The following SIL1 variants were observed in gnomAD, a reference collection of about 807,000 sequenced individuals.
SIL1 encodes the protein SIL1 nucleotide exchange factor.
In SIL1, 40 loss-of-function variants were observed where a neutral mutation model predicts 49.1. The observed-to-expected ratio is 0.81, with a 90% CI of 0.63 to 1.06. The LOEUF is 1.06. Ranked by LOEUF, SIL1 falls within the 50% of genes least tolerant of loss-of-function variation. The pLI is 0.00. For missense variants in SIL1, 500 were observed against 572.6 expected, an observed-to-expected ratio of 0.87 and a Z score of 1.29; for synonymous variants, 253 against 250.8, an observed-to-expected ratio of 1.01 and a Z score of -0.08.
chr5:139,045,170 A>C (rs1769126219), intron 4 of SIL1, among the ~76,000 whole-genome samples: 1 of 152,042 alleles, frequency 6.6e-6, no homozygotes, highest in East Asian at 1.9e-4. Context: ...CAGTAAGGGC[A>C]ACATAGTAAG....
chr5:139,059,680 T>G (rs1238305931), intron 3 of SIL1, among the ~76,000 whole-genome samples: 1 of 152,214 alleles, frequency 6.6e-6, no homozygotes, highest in Non-Finnish European at 1.5e-5. Flanking sequence ...TCTATATACA[T>G]GCACACACCT....
intron 7 of SIL1, among the ~76,000 whole-genome samples, chr5:138,975,957 TTATACAACAACACA>T (rs1767384953): frequency 6.6e-6 from 1 of 152,240 alleles, no homozygotes; most frequent in Non-Finnish European, 1.5e-5. Context: ...GAATAATTTG[TTATACAACAACACA>T]TAGCTAATAA....
chr5:139,192,752 C>T (rs946176498), intron 1 of SIL1, among the ~76,000 whole-genome samples: 1 of 151,878 alleles, frequency 6.6e-6, no homozygotes, highest in African/African-American at 2.4e-5. Flanking sequence ...AATCCCAGTA[C>T]TTTGGGAGAC....
intron 3 of SIL1, among the ~76,000 whole-genome samples, chr5:139,115,603 A>C (rs1475993847): frequency 6.6e-6 from 1 of 152,222 alleles, no homozygotes; most frequent in African/African-American, 2.4e-5. Flanking sequence ...AACAGGATTC[A>C]GAGAGCTTCC....
intron 6 of SIL1, among the ~76,000 whole-genome samples, chr5:139,024,889 T>C (rs34846849): frequency 0.26 from 40,055 of 152,156 alleles, 6,131 homozygotes; most frequent in Middle Eastern, 0.4. Context: ...ACTTCTTCTC[T>C]GCCTGCTCTC....
intron 3 of SIL1, among the ~76,000 whole-genome samples, chr5:139,091,115 C>A (rs529687460): frequency 6.6e-6 from 1 of 152,222 alleles, no homozygotes; most frequent in Admixed American, 6.5e-5. Context: ...AATAACTTTC[C>A]TAATTATAAG....
At chr5:139,026,775 G>C (rs750057551) in intron 6 of SIL1, 26 bp downstream of exon 6, 3 of 1,610,282 alleles carry the variant, frequency 1.9e-6, no homozygotes, top group African/African-American at 2.7e-5. Context: ...TTAAAAGTCT[G>C]ACTTATGGAC....
intron 3 of SIL1, among the ~76,000 whole-genome samples, chr5:139,102,821 TCTC>T (rs1221789520): frequency 1.3e-5 from 2 of 151,782 alleles, no homozygotes; most frequent in African/African-American, 2.4e-5. Context: ...TTCAAGCAGT[TCTC>T]CTGCCTCAGC....
intron 3 of SIL1, among the ~76,000 whole-genome samples, chr5:139,059,802 C>G (rs1362447733): frequency 5.9e-5 from 9 of 152,110 alleles, no homozygotes; most frequent in Non-Finnish European, 1.2e-4. Flanking sequence ...AGTTCAGATT[C>G]CAATCTAATA....
chr5:139,026,732 G>A, intron 6 of SIL1, 69 bp downstream of exon 6: 1 of 1,389,166 alleles, frequency 7.2e-7, no homozygotes, highest in South Asian at 1.2e-5. Context: ...ATTTTCTTAG[G>A]GCTTAGGGAA....
Position 138,948,695 on chromosome 5 carries a change from T to C in SIL1, c.1030-1222A>G, listed in dbSNP as rs1033841530. Among the ~76,000 whole-genome samples, 3 of 152,208 alleles carry C rather than the reference T, an allele frequency of 2.0e-5. No homozygotes were observed. Among genetic ancestry groups the C allele is most frequent in the African/African-American group, 7.2e-5 (3 of 41,452 alleles). On this transcript the variant is annotated intron_variant, in intron 9 of 9. Transcript: ENST00000394817. The surrounding 1 kb of genome is among the most constrained non-coding windows in gnomAD (Gnocchi z 4.8). Reference sequence around the variant, plus strand: ...CTCACCGCCACTGACCGGCCTCCCCTGACTGGCCTTCTCTGCTTATATGCT... The same window carrying C: ...CTCACCGCCACTGACCGGCCTCCCCCGACTGGCCTTCTCTGCTTATATGCT...
rs182341256 is a variant in SIL1, at chr5:139,195,494, T to A, written c.-11+2775A>T. ...GCTCCGCTTCCCAGGTTCACGCCAT[T>A]CTCCTGCCTCAGCCTCCTGAGTAGC... is the stretch of plus-strand genomic sequence containing the variant. On this transcript the variant is annotated intron_variant, in intron 1 of 9. Transcript: ENST00000394817. Among the ~76,000 whole-genome samples, 399 of 152,174 alleles carry A rather than the reference T, an allele frequency of 2.6e-3. 1 individual carries two copies. The highest frequency in any genetic ancestry group is 9.2e-3 in the African/African-American group (382 of 41,522).
intron 2 of SIL1, among the ~76,000 whole-genome samples, chr5:139,126,900 T>A (rs1381594759): frequency 6.6e-6 from 1 of 151,888 alleles, no homozygotes; most frequent in African/African-American, 2.4e-5. Flanking sequence ...GCCCTGGGGG[T>A]TGGGGAAGGT....
intron 3 of SIL1, among the ~76,000 whole-genome samples, chr5:139,078,364 T>TGAGAA (rs1277901768): frequency 6.4e-4 from 98 of 152,158 alleles, no homozygotes; most frequent in African/African-American, 2.0e-3. Flanking sequence ...TCATTCCAGG[T>TGAGAA]TTCAAAGGAA....
At chr5:139,048,983 A>C (rs1769230147) in intron 4 of SIL1, among the ~76,000 whole-genome samples, 1 of 152,190 alleles carries the variant, frequency 6.6e-6, no homozygotes, top group African/African-American at 2.4e-5. Context: ...TCTCAATATG[A>C]AGTAGAATTT....
At chr5:138,951,906 G>C (rs1766788629) in intron 7 of SIL1, 22 bp from the exon 8 acceptor site, 1 of 1,596,484 alleles carries the variant, frequency 6.3e-7, no homozygotes, top group South Asian at 1.1e-5. Context: ...GCACAGGACA[G>C]CATGACTACC....
Position 139,198,356 on chromosome 5 carries a change from G to C in SIL1, c.-98C>G, listed in dbSNP as rs540802283. The C allele has an allele frequency of 6.6e-6, 1 of 152,166 alleles. No homozygotes were observed. The highest frequency in any genetic ancestry group is 2.4e-5 in the African/African-American group (1 of 41,444). The allele number at this position is 152,166 out of a possible 1,614,324, so 9.4% of individuals were successfully genotyped here. A position where few individuals can be genotyped will look rare whatever the true frequency, so the allele number is the denominator to read the frequency against. ...GACCAGCTCCCCCTGCGCAAACGCG[G>C]CGGCGACCGTCTGAGCCGGTGAGCT... On this transcript the variant is annotated 5_prime_UTR_variant, in exon 1 of 10. Coordinates refer to ENST00000394817, the MANE Select transcript of SIL1 (RefSeq NM_022464.5).
Position 138,946,809 on chromosome 5 carries a change from T to C in SIL1, c.*308A>G, listed in dbSNP as rs992084764. ...TAAGCGACTTCCCAAGGTACAGAGC[T>C]GCTGCTTGGTAAGAAGCAGAGACTT... On this transcript the variant is annotated 3_prime_UTR_variant, in exon 10 of 10. Transcript: ENST00000394817. 1 of 453,286 alleles carries C rather than the reference T, an allele frequency of 2.2e-6. No homozygotes were observed. The highest frequency in any genetic ancestry group is 6.3e-4 in the Middle Eastern group (1 of 1,592). 28.1% of individuals were successfully genotyped at this position (453,286 alleles called of 1,614,324 possible).
At chr5:139,104,612 C>T (rs1770661097) in intron 3 of SIL1, among the ~76,000 whole-genome samples, 1 of 152,194 alleles carries the variant, frequency 6.6e-6, no homozygotes, top group South Asian at 2.1e-4. Flanking sequence ...ACAGCATCAC[C>T]AGCACTAGCC....
Sources: gnomAD v4.1 joint callset for allele counts (sites outside exome capture counted in the v4.1 genomes callset) on GRCh38, gnomAD v4.1.1 for gene constraint, Gnocchi (gnomAD v3.1) non-coding constraint, MANE v1.5 for transcripts, NCBI Gene and HGNC (gene_info 2026-07-23, HGNC 2026-07-21) for gene names.